Variants in WDR72 observed in about 807,000 individuals in gnomAD.
The protein encoded by WDR72 is WD repeat-containing protein 72.
Under a neutral mutation model 124.2 loss-of-function variants are expected in WDR72, and 120 were observed. The observed-to-expected ratio is 0.97, with a 90% CI of 0.83 to 1.12. WDR72 has a LOEUF of 1.12. Ranked by LOEUF, WDR72 falls within the 50% of genes most tolerant of loss-of-function variation. The probability of loss-of-function intolerance (pLI) is 0.00; values close to 1 mark genes in which losing one functional copy is unlikely to be tolerated. For missense variants in WDR72, 1,387 were observed against 1,278.8 expected, an observed-to-expected ratio of 1.08 and a Z score of -1.29; for synonymous variants, 452 against 441.7, an observed-to-expected ratio of 1.02 and a Z score of -0.29.
intron 18 of WDR72, among the ~76,000 whole-genome samples, chr15:53,570,306 CA>C (rs1894468803): frequency 1.3e-5 from 2 of 149,930 alleles, no homozygotes; most frequent in African/African-American, 4.9e-5. Context: ...CTAACCTCTT[CA>C]CAATTTTCAA....
chr15:53,747,985 T>TTG (rs1310503304), intron 1 of WDR72, among the ~76,000 whole-genome samples: 1 of 151,746 alleles, frequency 6.6e-6, no homozygotes, highest in Non-Finnish European at 1.5e-5. Flanking sequence ...TGAAAATCTT[T>TTG]TTTTTTTTTT....
rs1481241987 is a variant in WDR72 at position 53,515,221 on chromosome 15, T to TAATA, written c.*2474_*2477dup. ...AGACTCCGGATACAAACACATTTGC[T>TAATA]AATATAATCACTCCACTGGTTACCT... On this transcript the variant is annotated 3_prime_UTR_variant, in exon 20 of 20. Coordinates refer to ENST00000360509, the MANE Select transcript of WDR72 (RefSeq NM_182758.4). The TAATA allele has an allele frequency of 6.6e-6, 1 of 151,824 alleles. No homozygotes were observed. The highest frequency in any genetic ancestry group is 2.4e-5 in the African/African-American group (1 of 41,366). 9.4% of individuals were successfully genotyped at this position (151,824 alleles called of 1,614,324 possible).
chr15:53,735,816 A>G (rs2018337072), intron 1 of WDR72, among the ~76,000 whole-genome samples: 1 of 152,080 alleles, frequency 6.6e-6, no homozygotes, highest in South Asian at 2.1e-4. Context: ...AAGAACAAAT[A>G]TAATAAATTA....
At chr15:53,632,722 C>T (rs2014478936) in intron 14 of WDR72, among the ~76,000 whole-genome samples, 1 of 152,216 alleles carries the variant, frequency 6.6e-6, no homozygotes, top group African/African-American at 2.4e-5. Context: ...CACCGGTGTG[C>T]CCTGGATGTG....
intron 14 of WDR72, among the ~76,000 whole-genome samples, chr15:53,627,130 T>C (rs896737051): frequency 6.6e-6 from 1 of 152,184 alleles, no homozygotes; most frequent in Non-Finnish European, 1.5e-5. Flanking sequence ...ATCTGGCAAA[T>C]AGCCCAACCA....
At chr15:53,587,944 C>T (rs2012302617) in intron 18 of WDR72, among the ~76,000 whole-genome samples, 1 of 151,998 alleles carries the variant, frequency 6.6e-6, no homozygotes, top group African/African-American at 2.4e-5. Context: ...AAATGAAGTA[C>T]TCTGCCTTGG....
chr15:53,592,484 A>T (rs59074347), intron 18 of WDR72, among the ~76,000 whole-genome samples: 18,489 of 152,140 alleles, frequency 0.12, 1,619 homozygotes, highest in African/African-American at 0.24. Context: ...TTTCTGTTGA[A>T]TGGATTTTTA....
At chr15:53,714,382 A>T in intron 6 of WDR72, 52 bp downstream of exon 6, 1 of 1,406,782 alleles carries the variant, frequency 7.1e-7, no homozygotes, top group Non-Finnish European at 1.0e-6. Flanking sequence ...TATAAATTTT[A>T]ATGAATATGC....
In WDR72 at chr15:53,661,318, T is replaced by C. The variant is rs555378054; in HGVS notation, c.1962+4254A>G. 9.3e-4 allele frequency among the ~76,000 whole-genome samples: 142 copies of C among 152,292 alleles called. 1 individual carries two copies. The highest frequency in any genetic ancestry group is 3.2e-3 in the African/African-American group (133 of 41,572). On this transcript the variant is annotated intron_variant, in intron 14 of 19. Coordinates refer to ENST00000360509, the MANE Select transcript of WDR72 (RefSeq NM_182758.4). ...GAAGGCCTCAGTCTTCTTCCACTCA[T>C]GGCAGAAGGTGAACCAGAGCCATGT...
intron 1 of WDR72, among the ~76,000 whole-genome samples, chr15:53,746,624 C>A (rs2018649843): frequency 6.6e-6 from 1 of 152,038 alleles, no homozygotes; most frequent in Non-Finnish European, 1.5e-5. Context: ...GAGAAGAATC[C>A]CACCTACTTT....
At chr15:53,746,790 C>A (rs2018654262) in intron 1 of WDR72, among the ~76,000 whole-genome samples, 1 of 152,110 alleles carries the variant, frequency 6.6e-6, no homozygotes, top group South Asian at 2.1e-4. Context: ...GGTGTGAAAA[C>A]TGTACACTCA....
chr15:53,584,989 A>C (rs184385120), intron 18 of WDR72, among the ~76,000 whole-genome samples: 1 of 152,078 alleles, frequency 6.6e-6, no homozygotes, highest in East Asian at 1.9e-4. Flanking sequence ...GGGTTGCGTA[A>C]ATTGTGAACT....
At chr15:53,549,845 C>T (rs1226359460) in intron 18 of WDR72, among the ~76,000 whole-genome samples, 1 of 152,140 alleles carries the variant, frequency 6.6e-6, no homozygotes, top group Non-Finnish European at 1.5e-5. Flanking sequence ...TTGTGCCCAA[C>T]TCTATAATAC....
At chr15:53,630,850 C>T (rs2014398808) in intron 14 of WDR72, among the ~76,000 whole-genome samples, 1 of 152,008 alleles carries the variant, frequency 6.6e-6, no homozygotes, top group Admixed American at 6.6e-5. Context: ...TACTAGACGT[C>T]CTGGACGGGG....
At chr15:53,681,857 A>C (rs1280995291) in intron 13 of WDR72, among the ~76,000 whole-genome samples, 1 of 152,128 alleles carries the variant, frequency 6.6e-6, no homozygotes, top group Non-Finnish European at 1.5e-5. Context: ...ACACATCCAC[A>C]AATACCTGTG....
At chr15:53,686,433 T>G (rs1394157034) in intron 13 of WDR72, among the ~76,000 whole-genome samples, 3 of 149,360 alleles carry the variant, frequency 2.0e-5, no homozygotes, top group Non-Finnish European at 4.5e-5. Flanking sequence ...AAAACAGACT[T>G]TAAACCAACA....
intron 14 of WDR72, among the ~76,000 whole-genome samples, chr15:53,629,567 G>T (rs2014343688): frequency 1.3e-5 from 2 of 152,018 alleles, no homozygotes; most frequent in South Asian, 4.2e-4. Context: ...AAAAAATATA[G>T]CAGGGGCAGA....
At chr15:53,686,059 A>T (rs2016609831) in intron 13 of WDR72, among the ~76,000 whole-genome samples, 1 of 150,338 alleles carries the variant, frequency 6.7e-6, no homozygotes, top group African/African-American at 2.5e-5. Flanking sequence ...TCCTAAAGGA[A>T]GTGCTAAACA....
chr15:53,535,633 T>TA (rs1401517614), intron 18 of WDR72, among the ~76,000 whole-genome samples: 2 of 152,140 alleles, frequency 1.3e-5, no homozygotes, highest in African/African-American at 2.4e-5. Flanking sequence ...TTTCCCACAG[T>TA]AAAAAAGTTG....
Sources: gnomAD v4.1 joint callset for allele counts (sites outside exome capture counted in the v4.1 genomes callset) on GRCh38, gnomAD v4.1.1 for gene constraint, MANE v1.5 for transcripts, NCBI Gene and HGNC (gene_info 2026-07-23, HGNC 2026-07-21) for gene names.